ALCAM: variants seen among roughly 807,000 people sequenced by gnomAD.
ALCAM encodes the protein CD166 antigen.
ALCAM carries 30 observed loss-of-function variants against 70.9 expected under a neutral mutation model. The ratio of observed to expected loss-of-function variants is 0.42; its 90% confidence interval spans 0.32 to 0.57. The LOEUF is 0.57. ALCAM is among the 20% of genes least tolerant of loss of function. The pLI, the probability that ALCAM is intolerant of heterozygous loss-of-function variation, is 0.11. For synonymous variants in ALCAM, 249 were observed against 242.5 expected (o/e 1.03, Z -0.25); for missense variants, 591 against 695.1 (o/e 0.85, Z 1.68).
intron 1 of ALCAM, among the ~76,000 whole-genome samples, chr3:105,474,330 G>T (rs1559803742): frequency 6.6e-6 from 1 of 151,634 alleles, no homozygotes; most frequent in East Asian, 1.9e-4. Flanking sequence ...AAGCAACTTT[G>T]TGTGTTTGTG....
chr3:105,373,343 A>T (rs1199989962), intron 1 of ALCAM, among the ~76,000 whole-genome samples: 1 of 152,184 alleles, frequency 6.6e-6, no homozygotes, highest in Non-Finnish European at 1.5e-5. Flanking sequence ...TGATGATTTC[A>T]CTAGAGAAGT....
chr3:105,461,490 T>A (rs922812672), intron 1 of ALCAM, among the ~76,000 whole-genome samples: 2 of 151,806 alleles, frequency 1.3e-5, no homozygotes, highest in Admixed American at 1.3e-4. Flanking sequence ...GAAGTCAAAT[T>A]AAATAAAATT....
At chr3:105,549,941 T>C (rs1940352190) in intron 11 of ALCAM, among the ~76,000 whole-genome samples, 186 bp from the exon 12 acceptor site, 1 of 151,340 alleles carries the variant, frequency 6.6e-6, no homozygotes. Flanking sequence ...AGAAATTTCA[T>C]TATGGATTTA....
chr3:105,518,417 A>C (rs572985970), intron 1 of ALCAM, among the ~76,000 whole-genome samples: 2 of 152,240 alleles, frequency 1.3e-5, no homozygotes, highest in African/African-American at 2.4e-5. Context: ...TATGAACAAG[A>C]CTTAATACAC....
chr3:105,451,935 A>C (rs1481897739), intron 1 of ALCAM, among the ~76,000 whole-genome samples: 1 of 152,052 alleles, frequency 6.6e-6, no homozygotes, highest in African/African-American at 2.4e-5. Context: ...TGACTTTTTC[A>C]TTGGCTTATC....
chr3:105,393,559 C>A (rs1038272138), intron 1 of ALCAM, among the ~76,000 whole-genome samples: 16 of 151,782 alleles, frequency 1.1e-4, no homozygotes, highest in Middle Eastern at 3.2e-3. Context: ...GATAATTAGA[C>A]CACAACCAAA....
At chr3:105,543,136 G>A (rs374611349) in intron 8 of ALCAM, among the ~76,000 whole-genome samples, 2 of 151,614 alleles carry the variant, frequency 1.3e-5, no homozygotes, top group Admixed American at 6.6e-5. Context: ...AGAGATGCAA[G>A]GTACACAGGT....
At chr3:105,433,030 T>C (rs184317964) in intron 1 of ALCAM, among the ~76,000 whole-genome samples, 1 of 152,228 alleles carries the variant, frequency 6.6e-6, no homozygotes, top group Admixed American at 6.5e-5. Flanking sequence ...AGTGGCCATA[T>C]AGGAAAGCAA....
intron 1 of ALCAM, among the ~76,000 whole-genome samples, chr3:105,394,574 C>G (rs556895641): frequency 1.3e-4 from 20 of 151,972 alleles, no homozygotes; most frequent in Non-Finnish European, 2.8e-4. Context: ...ACCTATGTCC[C>G]AAAGGAATTT....
At chr3:105,478,021 G>A (rs1938169128) in intron 1 of ALCAM, among the ~76,000 whole-genome samples, 1 of 151,804 alleles carries the variant, frequency 6.6e-6, no homozygotes, top group African/African-American at 2.4e-5. Context: ...AAAATAGTGT[G>A]AGCTAATTCT....
chr3:105,367,367 G>A lies in ALCAM; in HGVS notation c.-42G>A. On this transcript the variant is annotated 5_prime_UTR_variant, in exon 1 of 16. Coordinates refer to ENST00000306107, the MANE Select transcript of ALCAM (RefSeq NM_001627.4). ...GGCCCGGGACGACGCCCCCTCCTGCGGCGTGGACTCCGTCAGTGGCCCACC... is the reference window on the plus strand; with the variant it reads ...GGCCCGGGACGACGCCCCCTCCTGCAGCGTGGACTCCGTCAGTGGCCCACC... 1 of 1,608,000 alleles carries A rather than the reference G, an allele frequency of 6.2e-7. No homozygotes were observed. Among genetic ancestry groups the A allele is most frequent in the East Asian group, 2.2e-5 (1 of 44,788 alleles).
intron 1 of ALCAM, among the ~76,000 whole-genome samples, chr3:105,500,676 C>G (rs1216105448): frequency 6.6e-6 from 1 of 152,094 alleles, no homozygotes; most frequent in Non-Finnish European, 1.5e-5. Flanking sequence ...TTAAGAGTCA[C>G]AAGAGTCATT....
chr3:105,514,762 C>G (rs191005254), intron 1 of ALCAM, among the ~76,000 whole-genome samples: 1 of 151,792 alleles, frequency 6.6e-6, no homozygotes, highest in Non-Finnish European at 1.5e-5. Context: ...GGAATAATTA[C>G]TATTTATCTT....
chr3:105,546,525 C>A (rs1184922395), intron 9 of ALCAM, among the ~76,000 whole-genome samples: 11 of 151,382 alleles, frequency 7.3e-5, no homozygotes, highest in Admixed American at 7.3e-4. Context: ...AATCAGTGAT[C>A]ACAAGGCTAG....
At chr3:105,524,236 C>G in intron 2 of ALCAM, 53 bp from the exon 3 acceptor site, 1 of 1,416,512 alleles carries the variant, frequency 7.1e-7, no homozygotes, top group East Asian at 2.5e-5. Flanking sequence ...GAATGTAATC[C>G]TGAAACATCT....
intron 1 of ALCAM, among the ~76,000 whole-genome samples, chr3:105,417,416 T>C (rs1421861427): frequency 6.6e-6 from 1 of 151,628 alleles, no homozygotes; most frequent in Non-Finnish European, 1.5e-5. Context: ...CAAGTATATA[T>C]AACATAGATG....
intron 4 of ALCAM, among the ~76,000 whole-genome samples, chr3:105,532,311 T>C (rs961018471): frequency 6.6e-6 from 1 of 152,144 alleles, no homozygotes; most frequent in Admixed American, 6.6e-5. Flanking sequence ...TTTGAATTAA[T>C]GGATTGTTTA....
chr3:105,441,635 T>C (rs1470333219), intron 1 of ALCAM, among the ~76,000 whole-genome samples: 1 of 152,226 alleles, frequency 6.6e-6, no homozygotes, highest in South Asian at 2.1e-4. Flanking sequence ...CTGTAATCAA[T>C]AAGTGAAATA....
intron 2 of ALCAM, among the ~76,000 whole-genome samples, chr3:105,523,036 A>T (rs61695142): frequency 0.011 from 1,628 of 148,512 alleles, 25 homozygotes; most frequent in African/African-American, 0.038. Flanking sequence ...GCTACTCTGG[A>T]GCCTGAGGCG....
Sources: allele counts gnomAD v4.1 joint callset (sites outside exome capture counted in the v4.1 genomes callset), GRCh38; gene constraint gnomAD v4.1.1; transcripts MANE v1.5; gene names NCBI Gene and HGNC (gene_info 2026-07-23, HGNC 2026-07-21).